LYPD6B: variants seen among roughly 807,000 people sequenced by gnomAD.
LYPD6B encodes the protein LY6/PLAUR domain containing 6B, also known as ly6/PLAUR domain-containing protein 6B.
In LYPD6B, 17 loss-of-function variants were observed where a neutral mutation model predicts 22.8. The observed-to-expected ratio is 0.75, with a 90% CI of 0.51 to 1.12. LYPD6B has a LOEUF of 1.12. Ranked by LOEUF, LYPD6B falls within the 50% of genes most tolerant of loss-of-function variation. The probability of loss-of-function intolerance (pLI) is 0.00; values close to 1 mark genes in which losing one functional copy is unlikely to be tolerated. For missense variants in LYPD6B, 221 were observed against 258.3 expected, an observed-to-expected ratio of 0.86 and a Z score of 0.99; for synonymous variants, 106 against 91.6, an observed-to-expected ratio of 1.16 and a Z score of -0.90.
chr2:149,203,436 A>G (rs1192690920), intron 3 of LYPD6B, among the ~76,000 whole-genome samples: 7 of 152,210 alleles, frequency 4.6e-5, no homozygotes, highest in Non-Finnish European at 1.0e-4. Flanking sequence ...ACTATGGAAT[A>G]GACCAACTCA....
At chr2:149,098,643 A>AAAAAAAAGAAAG (rs57783804) in intron 1 of LYPD6B, among the ~76,000 whole-genome samples, 3,519 of 130,084 alleles carry the variant, frequency 0.027, 256 homozygotes, top group African/African-American at 0.097. Context: ...AAAAAAAAAA[A>AAAAAAAAGAAAG]AAAAAAGAAA....
intron 3 of LYPD6B, among the ~76,000 whole-genome samples, chr2:149,172,549 T>C (rs1192180550): frequency 1.3e-5 from 2 of 152,044 alleles, no homozygotes; most frequent in Non-Finnish European, 2.9e-5. Flanking sequence ...GGACATCTGT[T>C]CTGTGGACCT....
At chr2:149,185,505 A>T (rs1314684813) in intron 3 of LYPD6B, among the ~76,000 whole-genome samples, 1 of 152,204 alleles carries the variant, frequency 6.6e-6, no homozygotes, top group Non-Finnish European at 1.5e-5. Flanking sequence ...AGGTTTGGAG[A>T]AAAAGGAAAG....
At chr2:149,190,379 T>A (rs1040042548) in intron 3 of LYPD6B, among the ~76,000 whole-genome samples, 1 of 152,212 alleles carries the variant, frequency 6.6e-6, no homozygotes, top group Non-Finnish European at 1.5e-5. Flanking sequence ...AGTGCTACAA[T>A]GATATCATGC....
intron 1 of LYPD6B, among the ~76,000 whole-genome samples, chr2:149,063,839 A>C (rs1461252802): frequency 6.6e-6 from 1 of 152,252 alleles, no homozygotes; most frequent in Non-Finnish European, 1.5e-5. Flanking sequence ...CAAAAGAAGC[A>C]ACTAGCAAGG....
chr2:149,207,772 G>A (rs183807821), intron 4 of LYPD6B, among the ~76,000 whole-genome samples: 256 of 152,208 alleles, frequency 1.7e-3, no homozygotes, highest in African/African-American at 5.3e-3. Flanking sequence ...ATGATTTGAC[G>A]TGCTAGAGAC....
At chr2:149,072,132 A>G (rs908360327) in intron 1 of LYPD6B, among the ~76,000 whole-genome samples, 3 of 152,126 alleles carry the variant, frequency 2.0e-5, no homozygotes, top group African/African-American at 7.2e-5. Context: ...GAGTTTTGCC[A>G]TGTTGGCCGG....
At chr2:149,150,302 C>T (rs1575068820) in intron 2 of LYPD6B, among the ~76,000 whole-genome samples, 1 of 152,204 alleles carries the variant, frequency 6.6e-6, no homozygotes, top group Admixed American at 6.5e-5. Flanking sequence ...CTGAATCCAT[C>T]ATCCTCTTTC....
intron 1 of LYPD6B, among the ~76,000 whole-genome samples, chr2:149,096,320 G>A (rs946806403): frequency 1.3e-5 from 2 of 152,194 alleles, no homozygotes; most frequent in Non-Finnish European, 2.9e-5. Context: ...TAGGATGTCA[G>A]GTCTGAGGAG....
intron 3 of LYPD6B, among the ~76,000 whole-genome samples, chr2:149,170,813 C>G (rs1203987592): frequency 6.6e-6 from 1 of 152,170 alleles, no homozygotes; most frequent in Non-Finnish European, 1.5e-5. Flanking sequence ...CCAACAGTCA[C>G]TATTCTAACA....
In LYPD6B at chr2:149,214,758, C is replaced by T; in HGVS notation, c.*48C>T. The stretch of plus-strand genomic sequence containing the variant: ...AGAGACCAGCCTCTAAAGCACAAGC[C>T]AAAAACTGTGTGAACGGTGAACTTT... On this transcript the variant is annotated 3_prime_UTR_variant, in exon 7 of 7. Transcript: ENST00000409642. 1 of 1,587,570 alleles carries T rather than the reference C, an allele frequency of 6.3e-7. No homozygotes were observed. Among genetic ancestry groups the T allele is most frequent in the African/African-American group, 1.3e-5 (1 of 74,510 alleles).
intron 3 of LYPD6B, 72 bp from the exon 4 acceptor site, chr2:149,205,181 A>T: frequency 6.6e-7 from 1 of 1,509,534 alleles, no homozygotes; most frequent in South Asian, 1.3e-5. Context: ...GGAGCTTTCC[A>T]AACAGAAGCA....
At chr2:149,155,588 C>T (rs996157892) in intron 2 of LYPD6B, among the ~76,000 whole-genome samples, 1 of 152,194 alleles carries the variant, frequency 6.6e-6, no homozygotes. Context: ...TGGCTTTGTC[C>T]GGAGGCTGGT....
At chr2:149,197,937 G>A (rs1368971461) in intron 3 of LYPD6B, among the ~76,000 whole-genome samples, 1 of 152,072 alleles carries the variant, frequency 6.6e-6, no homozygotes, top group East Asian at 1.9e-4. Flanking sequence ...CACTTATTAG[G>A]TTCCTACCAT....
chr2:149,115,990 T>C (rs982806691), intron 1 of LYPD6B, among the ~76,000 whole-genome samples: 1 of 152,232 alleles, frequency 6.6e-6, no homozygotes, highest in African/African-American at 2.4e-5. Flanking sequence ...TCAGATCTAC[T>C]GAGACCGTAT....
intron 1 of LYPD6B, among the ~76,000 whole-genome samples, chr2:149,125,184 T>G (rs992503486): frequency 6.6e-6 from 1 of 152,022 alleles, no homozygotes; most frequent in Admixed American, 6.6e-5. Flanking sequence ...ACATCTTACC[T>G]CCCAGTCAGT....
chr2:149,113,650 T>A (rs562449428), intron 1 of LYPD6B, among the ~76,000 whole-genome samples: 1 of 152,078 alleles, frequency 6.6e-6, no homozygotes, highest in Admixed American at 6.6e-5. Context: ...CTCACTATAG[T>A]CTCTAGTGGG....
intron 3 of LYPD6B, among the ~76,000 whole-genome samples, chr2:149,168,893 C>A (rs540666140): frequency 2.6e-5 from 4 of 152,228 alleles, no homozygotes; most frequent in South Asian, 2.1e-4. Context: ...CAGATTGTTG[C>A]CAAAATCACA....
At chr2:149,162,255 C>G (rs776617859) in intron 3 of LYPD6B, among the ~76,000 whole-genome samples, 11 of 152,302 alleles carry the variant, frequency 7.2e-5, no homozygotes, top group Non-Finnish European at 1.3e-4. Flanking sequence ...TACTGTCTAC[C>G]AGGCAACACC....
Sources: allele counts gnomAD v4.1 joint callset (sites outside exome capture counted in the v4.1 genomes callset), GRCh38; gene constraint gnomAD v4.1.1; transcripts MANE v1.5; gene names NCBI Gene and HGNC (gene_info 2026-07-23, HGNC 2026-07-21).